Variants in RYR1 observed in about 807,000 individuals in gnomAD.
RYR1 encodes the protein central core disease of muscle.
In RYR1, 342 loss-of-function variants were observed where a neutral mutation model predicts 583.5. The observed-to-expected ratio is 0.59, with a 90% CI of 0.54 to 0.64. The LOEUF is 0.64. Among genes scored for constraint, RYR1 ranks in the 30% least tolerant of loss-of-function variants. RYR1 has a pLI of 0.00. For synonymous variants in RYR1, 2,791 were observed against 2,822.5 expected (o/e 0.99, Z 0.35); for missense variants, 6,032 against 6,917.2 (o/e 0.87, Z 4.54).
chr19:38,531,572 T>G (rs1971742127), intron 76 of RYR1, among the ~76,000 whole-genome samples: 1 of 151,984 alleles, frequency 6.6e-6, no homozygotes, highest in Admixed American at 6.6e-5. Flanking sequence ...GCTCCAGCCT[T>G]CCATCACTCC....
intron 69 of RYR1, 129 bp from the exon 70 acceptor site, chr19:38,523,776 GGCCTGGAAAT>G: frequency 8.9e-7 from 1 of 1,119,626 alleles, no homozygotes; most frequent in East Asian, 2.4e-5. Flanking sequence ...CCCGAGCCAA[GGCCTGGAAAT>G]GCCCAGCTAG....
chr19:38,530,276 A>AT (rs1052279286), intron 76 of RYR1, among the ~76,000 whole-genome samples: 4 of 151,286 alleles, frequency 2.6e-5, no homozygotes, highest in Non-Finnish European at 4.4e-5. Context: ...TTTTGAGAAG[A>AT]TCTTGCTCTT....
chr19:38,463,141 G>GC lies in RYR1; in HGVS notation c.2578-268dup, dbSNP rs34883994. ...TTGAACTCCTGACCTCAGGCGATCTGCCCCCCCCCCCCCCACTTAGCCTCC... is the reference window on the plus strand; with the variant it reads ...TTGAACTCCTGACCTCAGGCGATCTGCCCCCCCCCCCCCCCACTTAGCCTCC... On this transcript the variant is annotated intron_variant, in intron 20 of 105. Transcript: ENST00000359596. Among the ~76,000 whole-genome samples the GC allele has an allele frequency of 8.3e-3, 273 of 32,936 alleles. 46 individuals are homozygous for GC. The highest frequency in any genetic ancestry group is 0.021 in the African/African-American group (98 of 4,770). The allele number at this position is 32,936 out of a possible 152,430, so 21.6% of individuals were successfully genotyped here. A position where few individuals can be genotyped will look rare whatever the true frequency, so the allele number is the denominator to read the frequency against.
chr19:38,520,456 A>G (rs1568532083), intron 67 of RYR1, among the ~76,000 whole-genome samples: 1 of 149,888 alleles, frequency 6.7e-6, no homozygotes, highest in Non-Finnish European at 1.5e-5. Context: ...GCACTTTGGG[A>G]GGCCGAGGTG....
intron 48 of RYR1, 67 bp downstream of exon 48, chr19:38,502,794 G>T: frequency 9.1e-7 from 1 of 1,098,208 alleles, no homozygotes; most frequent in East Asian, 3.3e-5. Flanking sequence ...GGCAGGGGCA[G>T]GGGCAGGGGC....
At chr19:38,519,146 C>G (rs925899105) in intron 66 of RYR1, 68 bp from the exon 67 acceptor site, 2 of 1,612,128 alleles carry the variant, frequency 1.2e-6, no homozygotes, top group African/African-American at 2.7e-5. Flanking sequence ...GGGAGTCGGG[C>G]TGGGAACGGA....
At position 38,504,350 on chromosome 19, in the gene RYR1, T is replaced by C. The variant is rs1199135887; in HGVS notation, c.8057T>C (p.Leu2686Pro). The C allele has an allele frequency of 6.2e-7, 1 of 1,614,162 alleles. No individual in the cohort carries two copies. Among genetic ancestry groups the C allele is most frequent in the Non-Finnish European group, 8.5e-7 (1 of 1,180,020 alleles). The change falls in exon 50 of 106, where the codon CTG (leucine) becomes CCG (proline). Residue 2686 changes from leucine to proline, a missense_variant. Coordinates refer to ENST00000359596, the MANE Select transcript of RYR1 (RefSeq NM_000540.3). ...RKLFWGIFDS[L>P]AHKKYDPELY... Reference sequence around the variant, plus strand: ...CTCTTCTGGGGCATCTTTGACTCTCTGGCCCATAAGGTCTGGGCAGCAGGG... The same window carrying C: ...CTCTTCTGGGGCATCTTTGACTCTCCGGCCCATAAGGTCTGGGCAGCAGGG...
At position 38,561,528 on chromosome 19, in the gene RYR1, C is replaced by G. The variant is rs1973142931; in HGVS notation, c.12624+74C>G. The G allele has an allele frequency of 9.1e-6, 13 of 1,431,464 alleles. No individual in the cohort carries two copies. The highest frequency in any genetic ancestry group is 2.8e-5 in the African/African-American group (2 of 71,778). 88.7% of individuals were successfully genotyped at this position (1,431,464 alleles called of 1,614,324 possible). A position where few individuals can be genotyped will look rare whatever the true frequency, so the allele number is the denominator to read the frequency against. ...TGCGGGTGCTCACTTCCTGCACCCT[C>G]AGACCCCACGGGGGCTGTGCGTGCC... is the stretch of plus-strand genomic sequence containing the variant. On this transcript the variant is annotated intron_variant, in intron 90 of 105. Coordinates refer to ENST00000359596, the MANE Select transcript of RYR1 (RefSeq NM_000540.3). This position sits in a 1 kb window ranked among gnomAD's most constrained non-coding sequence, Gnocchi z 4.8.
intron 47 of RYR1, among the ~76,000 whole-genome samples, chr19:38,501,820 C>CA (rs1274208866): frequency 2.6e-5 from 4 of 151,584 alleles, no homozygotes; most frequent in African/African-American, 7.3e-5. Context: ...CCTGTCTCTA[C>CA]AAAAAAAATT....
At chr19:38,439,634 G>A (rs1438921570) in intron 1 of RYR1, among the ~76,000 whole-genome samples, 2 of 151,992 alleles carry the variant, frequency 1.3e-5, no homozygotes, top group African/African-American at 2.4e-5. Context: ...AGACTCCCGA[G>A]TAGCTGGAAC....
At chr19:38,456,584 T>A (rs1254004758) in intron 16 of RYR1, among the ~76,000 whole-genome samples, 4 of 150,590 alleles carry the variant, frequency 2.7e-5, no homozygotes, top group African/African-American at 9.7e-5. Flanking sequence ...GCCCCACCGG[T>A]GGCGCTGAAA....
Position 38,528,986 on chromosome 19 carries a change from GGAAGA to G in RYR1, c.11076_11080del (p.Lys3693AlafsTer24), listed in dbSNP as rs753981610. On this transcript the variant is annotated frameshift_variant, in exon 76 of 106. Coordinates refer to ENST00000359596, the MANE Select transcript of RYR1 (RefSeq NM_000540.3). LOFTEE classifies it high-confidence loss of function. ...AGCAGGAGGAGGAGGAGGAAGAGGT[GGAAGA>G]GAAGAAGCCAGACCCCCTGCACCAG... 3 of 1,612,976 alleles carry G rather than the reference GGAAGA, an allele frequency of 1.9e-6. No homozygotes were observed. Among genetic ancestry groups the G allele is most frequent in the Non-Finnish European group, 1.7e-6 (2 of 1,179,580 alleles).
intron 89 of RYR1, among the ~76,000 whole-genome samples, chr19:38,553,368 G>A (rs937816814): frequency 6.6e-6 from 1 of 150,946 alleles, no homozygotes; most frequent in Non-Finnish European, 1.5e-5. Context: ...AATATAGCCA[G>A]GTGCTGTGGC....
Position 38,561,048 on chromosome 19 carries a change from A to C in RYR1, c.12283-65A>C. ...ACAGCGAGACCTTGTCTTAAAAAAA[A>C]AAAAAAAAAGAGAGAGAATTGAGGC... On this transcript the variant is annotated intron_variant, in intron 89 of 105. Coordinates refer to ENST00000359596, the MANE Select transcript of RYR1 (RefSeq NM_000540.3). This position sits in a 1 kb window ranked among gnomAD's most constrained non-coding sequence, Gnocchi z 4.8. 1 of 1,437,314 alleles carries C rather than the reference A, an allele frequency of 7.0e-7. No individual in the cohort carries two copies. The highest frequency in any genetic ancestry group is 9.4e-7 in the Non-Finnish European group (1 of 1,059,800). The allele number at this position is 1,437,314 out of a possible 1,614,324, so 89.0% of individuals were successfully genotyped here. A position where few individuals can be genotyped will look rare whatever the true frequency, so the allele number is the denominator to read the frequency against.
Position 38,494,568 on chromosome 19 carries a change from C to G in RYR1, c.6491C>G (p.Ser2164Trp), listed in dbSNP as rs1473972613. The G allele has an allele frequency of 1.9e-6, 3 of 1,614,128 alleles. No individual in the cohort carries two copies. The highest frequency in any genetic ancestry group is 2.5e-6 in the Non-Finnish European group (3 of 1,180,040). Residue 2164 changes from serine to tryptophan, a missense_variant, in exon 39 of 106, where the codon TCG (serine) becomes TGG (tryptophan). Physicochemically the swap from Ser to Trp is radical, Grantham distance 177. Around this residue, in one of 11 missense-constraint regions of RYR1, gnomAD observed 2,627 missense variants for 2,961.3 expected, o/e 0.89. Coordinates refer to ENST00000359596, the MANE Select transcript of RYR1 (RefSeq NM_000540.3). ...CTCGAGTGCCTCGGCCAGATCCGCT[C>G]GCTGCTCATCGTGCAGATGGGCCCC... ...SLLECLGQIR[S>W]LLIVQMGPQE...
rs1967660708 is a variant in RYR1 at position 38,460,369 on chromosome 19, A to G, written c.2361-6A>G. On this transcript the variant is annotated splice_polypyrimidine_tract_variant and splice_region_variant and intron_variant, in intron 19 of 105. Transcript: ENST00000359596. Reference sequence around the variant, plus strand: ...TCAATGATCCCCATTGTCCTTCCTTACCCAGGGTGCGGTTCCTCCTTGGTG... The same window carrying G: ...TCAATGATCCCCATTGTCCTTCCTTGCCCAGGGTGCGGTTCCTCCTTGGTG... 1 of 1,613,212 alleles carries G rather than the reference A, an allele frequency of 6.2e-7. No individual in the cohort carries two copies. Among genetic ancestry groups the G allele is most frequent in the Middle Eastern group, 1.7e-4 (1 of 6,060 alleles).
Position 38,500,106 on chromosome 19 carries a change from G to A in RYR1, c.7323+90G>A. On this transcript the variant is annotated intron_variant, in intron 45 of 105. Coordinates refer to ENST00000359596, the MANE Select transcript of RYR1 (RefSeq NM_000540.3). This position sits in a 1 kb window ranked among gnomAD's most constrained non-coding sequence, Gnocchi z 5.9. ...GCAGGCACTCGGTGACACGGAGTGA[G>A]CTCCCATATGTGGGTGGTCCTGGAC... 2.7e-6 allele frequency: 3 copies of A among 1,123,722 alleles called. No individual in the cohort carries two copies. Among genetic ancestry groups the A allele is most frequent in the Non-Finnish European group, 4.0e-6 (3 of 755,102 alleles). 69.6% of individuals were successfully genotyped at this position (1,123,722 alleles called of 1,614,324 possible). A position where few individuals can be genotyped will look rare whatever the true frequency, so the allele number is the denominator to read the frequency against.
At position 38,512,370 on chromosome 19, in the gene RYR1, C is replaced by A. The variant is rs779429978; in HGVS notation, c.9359C>A (p.Thr3120Asn). 6.2e-7 allele frequency: 1 copy of A among 1,614,098 alleles called. No individual in the cohort carries two copies. Among genetic ancestry groups the A allele is most frequent in the South Asian group, 1.1e-5 (1 of 91,082 alleles). Residue 3120 changes from threonine to asparagine, a missense_variant, in exon 63 of 106, where the codon ACC becomes AAC. Physicochemically the swap from Thr to Asn is moderately conservative, Grantham distance 65. Transcript: ENST00000359596. The surrounding 1 kb of genome is among the most constrained non-coding windows in gnomAD (Gnocchi z 5.1). Reference sequence around the variant, plus strand: ...CTGGGCAAGGTGTCGCAGGCGCGCACCCAGGTGAAAGGCGTGGGCCAGAAC... The same window carrying A: ...CTGGGCAAGGTGTCGCAGGCGCGCAACCAGGTGAAAGGCGTGGGCCAGAAC... ...LRLGKVSQARTQVKGVGQNLT... is the reference protein window; with the variant it reads ...LRLGKVSQARNQVKGVGQNLT...
At position 38,523,720 on chromosome 19, in the gene RYR1, CCTT is replaced by C. The variant is rs1971328819; in HGVS notation, c.10441-192_10441-190del. The stretch of plus-strand genomic sequence containing the variant: ...CCCCATTTCCTGCTTTCCTCCCTAT[CCTT>C]CTCAGCACTGCCCTTCTCAGGTCTC... On this transcript the variant is annotated intron_variant, in intron 69 of 105. Transcript: ENST00000359596. 3 of 677,700 alleles carry C rather than the reference CCTT, an allele frequency of 4.4e-6. No homozygotes were observed. The Admixed American group carries it at 6.7e-5, about 15-fold the overall frequency. The allele number at this position is 677,700 out of a possible 1,614,324, so 42.0% of individuals were successfully genotyped here.
Sources: gnomAD v4.1 joint callset for allele counts (sites outside exome capture counted in the v4.1 genomes callset) on GRCh38, gnomAD v4.1.1 for gene constraint, gnomAD v4.1.1 regional missense constraint, Gnocchi (gnomAD v3.1) non-coding constraint, MANE v1.5 for transcripts, NCBI Gene and HGNC (gene_info 2026-07-23, HGNC 2026-07-21) for gene names.